The following SLC4A4 variants were observed in gnomAD, a reference collection of about 807,000 sequenced individuals.
SLC4A4 encodes the protein electrogenic sodium bicarbonate cotransporter 1.
SLC4A4 carries 27 observed loss-of-function variants against 111.5 expected under a neutral mutation model. The ratio of observed to expected loss-of-function variants is 0.24; its 90% CI spans 0.18 to 0.33. The LOEUF (loss-of-function observed/expected upper bound fraction) is 0.33. Ranked by LOEUF, SLC4A4 falls within the 10% of genes least tolerant of loss-of-function variation. The pLI is 1.00. For missense variants in SLC4A4, 909 were observed against 1,315.5 expected (o/e 0.69, Z 4.78); for synonymous variants, 443 against 463.4 (o/e 0.96, Z 0.57).
intron 1 of SLC4A4, among the ~76,000 whole-genome samples, chr4:71,066,048 T>A (rs1217990259): frequency 3.3e-5 from 5 of 151,804 alleles, no homozygotes; most frequent in Non-Finnish European, 7.4e-5. Flanking sequence ...GAATGAAAAA[T>A]GACTATTAAT....
chr4:71,374,148 C>G (rs759616563), intron 6 of SLC4A4, among the ~76,000 whole-genome samples: 1 of 152,118 alleles, frequency 6.6e-6, no homozygotes, highest in Non-Finnish European at 1.5e-5. Flanking sequence ...GAACAACCAC[C>G]ACATCACAAC....
chr4:71,224,299 G>T (rs551027342), intron 1 of SLC4A4, among the ~76,000 whole-genome samples: 1 of 152,098 alleles, frequency 6.6e-6, no homozygotes, highest in Non-Finnish European at 1.5e-5. Flanking sequence ...TCCTCCTCCC[G>T]CTCTTGTTCC....
intron 14 of SLC4A4, among the ~76,000 whole-genome samples, chr4:71,473,822 A>G (rs2149109922): frequency 6.6e-6 from 1 of 151,970 alleles, no homozygotes; most frequent in African/African-American, 2.4e-5. Flanking sequence ...ACTTTGAGGG[A>G]AATTGTTTTA....
chr4:71,472,671 T>G (rs889916163), intron 13 of SLC4A4, 28 bp from the exon 14 acceptor site: 4 of 1,609,178 alleles, frequency 2.5e-6, no homozygotes, highest in Non-Finnish European at 1.7e-6. Flanking sequence ...GGAGGAGGAA[T>G]CTAAACATTT....
In SLC4A4 at chr4:71,365,931, G is replaced by A. The variant is rs1731210097; in HGVS notation, c.730+8744G>A. ...TCATATGCTAATTCAACCACAAGGG[G>A]ATGAGCTTCCTCAATCATAATTTAT... On this transcript the variant is annotated intron_variant, in intron 6 of 25. Coordinates refer to ENST00000264485, the MANE Select transcript of SLC4A4 (RefSeq NM_001098484.3). Among the ~76,000 whole-genome samples the A allele has an allele frequency of 2.6e-5, 4 of 152,276 alleles. No homozygotes were observed. In the South Asian group the frequency reaches 8.3e-4, roughly 32 times the overall value.
In SLC4A4 at chr4:71,571,669, TG is replaced by T; in HGVS notation, c.*3919del. On this transcript the variant is annotated 3_prime_UTR_variant, in exon 26 of 26. Coordinates refer to ENST00000264485, the MANE Select transcript of SLC4A4 (RefSeq NM_001098484.3). Reference sequence around the variant, plus strand: ...AAACTTTTAGAGCCAGAAGTAACTTTGTCCCAGTCCTACAATGTGAAAAGAG... The same window carrying T: ...AAACTTTTAGAGCCAGAAGTAACTTTTCCCAGTCCTACAATGTGAAAAGAG... 1 of 152,440 alleles carries T rather than the reference TG, an allele frequency of 6.6e-6. No homozygotes were observed. The highest frequency in any genetic ancestry group is 1.9e-4 in the East Asian group (1 of 5,144). 9.4% of individuals were successfully genotyped at this position (152,440 alleles called of 1,614,324 possible). A position where few individuals can be genotyped will look rare whatever the true frequency, so the allele number is the denominator to read the frequency against.
chr4:71,348,821 C>T (rs1041467990), intron 4 of SLC4A4, among the ~76,000 whole-genome samples: 2 of 152,100 alleles, frequency 1.3e-5, no homozygotes, highest in Non-Finnish European at 2.9e-5. Context: ...TTCCTCTGAT[C>T]TCTGCCCTTT....
At chr4:71,512,078 C>T (rs998072011) in intron 16 of SLC4A4, among the ~76,000 whole-genome samples, 4 of 152,232 alleles carry the variant, frequency 2.6e-5, no homozygotes, top group South Asian at 2.1e-4. Flanking sequence ...GCGGTAAACA[C>T]GTGAGTGCAG....
At chr4:71,200,586 T>C (rs1367652507) in intron 1 of SLC4A4, among the ~76,000 whole-genome samples, 1 of 152,074 alleles carries the variant, frequency 6.6e-6, no homozygotes, top group Non-Finnish European at 1.5e-5. Context: ...CTTTACAACA[T>C]AAAGGATAAG....
intron 14 of SLC4A4, chr4:71,473,187 C>T: frequency 1.5e-6 from 1 of 679,398 alleles, no homozygotes; most frequent in South Asian, 1.6e-5. Flanking sequence ...GGAATGTGAA[C>T]ATAACCAACT....
At chr4:71,081,076 T>A (rs553985354) in intron 1 of SLC4A4, among the ~76,000 whole-genome samples, 1 of 152,182 alleles carries the variant, frequency 6.6e-6, no homozygotes, top group East Asian at 1.9e-4. Flanking sequence ...TTTATTTTAT[T>A]ATATATTTTT....
intron 14 of SLC4A4, among the ~76,000 whole-genome samples, chr4:71,480,032 T>C (rs1728730656): frequency 6.6e-6 from 1 of 150,912 alleles, no homozygotes; most frequent in Admixed American, 6.6e-5. Flanking sequence ...TTTTTTTTTT[T>C]TTTTTTTGAG....
At chr4:71,257,331 G>T (rs1011371734) in intron 3 of SLC4A4, among the ~76,000 whole-genome samples, 1 of 152,166 alleles carries the variant, frequency 6.6e-6, no homozygotes, top group African/African-American at 2.4e-5. Context: ...TTATTTATAA[G>T]TATGCATTTT....
intron 2 of SLC4A4, among the ~76,000 whole-genome samples, chr4:71,179,434 A>G (rs1236462608): frequency 1.3e-5 from 2 of 152,248 alleles, no homozygotes; most frequent in Non-Finnish European, 2.9e-5. Flanking sequence ...TGCAGATGAC[A>G]TGATTGTATA....
intron 1 of SLC4A4, among the ~76,000 whole-genome samples, chr4:71,078,598 AT>A (rs1424156330): frequency 6.6e-6 from 1 of 152,188 alleles, no homozygotes; most frequent in African/African-American, 2.4e-5. Flanking sequence ...AAATAAACAC[AT>A]TGAGTATCAA....
At chr4:71,193,375 G>T (rs1031964811) in intron 1 of SLC4A4, among the ~76,000 whole-genome samples, 3 of 152,144 alleles carry the variant, frequency 2.0e-5, no homozygotes, top group Admixed American at 6.5e-5. Context: ...TAGCCAGGAT[G>T]GTCTCGATCT....
At chr4:71,506,493 C>T (rs1372870068) in intron 16 of SLC4A4, among the ~76,000 whole-genome samples, 2 of 152,022 alleles carry the variant, frequency 1.3e-5, no homozygotes, top group Non-Finnish European at 2.9e-5. Context: ...TTCGACTTTC[C>T]TGTGGTTGGT....
chr4:71,219,238 G>A (rs1718602488), intron 1 of SLC4A4, among the ~76,000 whole-genome samples: 2 of 152,346 alleles, frequency 1.3e-5, no homozygotes, highest in African/African-American at 4.8e-5. Context: ...CAAAGGAAAA[G>A]TGCTTGAAGA....
chr4:71,386,456 A>T (rs1718726607), intron 6 of SLC4A4, among the ~76,000 whole-genome samples: 1 of 152,062 alleles, frequency 6.6e-6, no homozygotes, highest in Non-Finnish European at 1.5e-5. Flanking sequence ...AACTCCTAAT[A>T]ATCAGATATT....
Sources: allele counts gnomAD v4.1 joint callset (sites outside exome capture counted in the v4.1 genomes callset), GRCh38; gene constraint gnomAD v4.1.1; transcripts MANE v1.5; gene names NCBI Gene and HGNC (gene_info 2026-07-23, HGNC 2026-07-21).